PTPRB: variants seen among roughly 807,000 people sequenced by gnomAD.
The protein encoded by PTPRB is receptor-type tyrosine-protein phosphatase beta.
A neutral mutation model predicts 238.1 loss-of-function variants in PTPRB; 97 were observed. The ratio of observed to expected loss-of-function variants is 0.41; its 90% CI spans 0.35 to 0.48. The LOEUF (loss-of-function observed/expected upper bound fraction) is 0.48. Among genes scored for constraint, PTPRB ranks in the 20% least tolerant of loss-of-function variants. PTPRB has a pLI of 0.30. For missense variants in PTPRB, 2,292 were observed against 2,681.9 expected (o/e 0.85, Z 3.21); for synonymous variants, 970 against 995.4 (o/e 0.97, Z 0.48).
At chr12:70,594,872 A>T in intron 5 of PTPRB, 148 bp from the exon 6 acceptor site, 1 of 1,096,268 alleles carries the variant, frequency 9.1e-7, no homozygotes, top group Non-Finnish European at 1.3e-6. Flanking sequence ...GATTCTGGAA[A>T]TTTCACTGGA....
intron 4 of PTPRB, among the ~76,000 whole-genome samples, chr12:70,599,619 A>T (rs995657344): frequency 2.0e-5 from 3 of 152,238 alleles, no homozygotes; most frequent in Non-Finnish European, 4.4e-5. Flanking sequence ...TGCATAGTCA[A>T]AATGAATAAC....
chr12:70,558,001 C>A (rs781730709), intron 18 of PTPRB, among the ~76,000 whole-genome samples: 2 of 152,154 alleles, frequency 1.3e-5, no homozygotes, highest in African/African-American at 2.4e-5. Context: ...GCAAGTGCAT[C>A]TCTGGGCAAC....
At chr12:70,568,596 C>T (rs1879620116) in intron 14 of PTPRB, among the ~76,000 whole-genome samples, 1 of 152,116 alleles carries the variant, frequency 6.6e-6, no homozygotes, top group Non-Finnish European at 1.5e-5. Flanking sequence ...CGCGCCTGGC[C>T]CGAATGCCCA....
chr12:70,524,375 A>G, intron 33 of PTPRB, 96 bp downstream of exon 33: 3 of 1,340,832 alleles, frequency 2.2e-6, no homozygotes, highest in Non-Finnish European at 3.0e-6. Context: ...TCAGCCTCCC[A>G]AAGTGCTGGG....
At chr12:70,609,926 A>G in intron 3 of PTPRB, 2 of 992,726 alleles carry the variant, frequency 2.0e-6, no homozygotes, top group Non-Finnish European at 2.7e-6. Context: ...CCGTGGGCGC[A>G]GCGCGCTTCC....
rs1592517237 is a variant in PTPRB, at chr12:70,576,519, A to C, written c.2705T>G (p.Val902Gly). 1.3e-6 allele frequency: 2 copies of C among 1,568,898 alleles called. No homozygotes were observed. ...YEVTLSHDGK[V>G]VQSLVIAKSV... is the part of the protein sequence containing the mutation. ...CTTGGCAATGACAAGGGACTGAACCACCTTGCCGTCATGAGACAATGTTAC... is the reference window on the plus strand; with the variant it reads ...CTTGGCAATGACAAGGGACTGAACCCCCTTGCCGTCATGAGACAATGTTAC... Residue 902 changes from valine to glycine, a missense_variant, in exon 11 of 34, where the codon GTG (valine) becomes GGG (glycine). Physicochemically the swap from Val to Gly is moderately radical, Grantham distance 109. Coordinates refer to ENST00000334414, the MANE Select transcript of PTPRB (RefSeq NM_001109754.4).
intron 2 of PTPRB, among the ~76,000 whole-genome samples, chr12:70,627,094 A>T (rs1885238588): frequency 6.6e-6 from 1 of 152,206 alleles, no homozygotes; most frequent in Non-Finnish European, 1.5e-5. Flanking sequence ...TTCAATAGCC[A>T]ACTATTACTC....
chr12:70,599,888 T>C (rs1283127713), intron 4 of PTPRB, among the ~76,000 whole-genome samples: 1 of 151,896 alleles, frequency 6.6e-6, no homozygotes, highest in Non-Finnish European at 1.5e-5. Flanking sequence ...GAGGGTTGCT[T>C]GGGTCCAGGT....
At position 70,608,826 on chromosome 12, in the gene PTPRB, C is replaced by T; in HGVS notation, c.979+243G>A. The T allele has an allele frequency of 7.3e-6, 4 of 545,188 alleles. No homozygotes were observed. In the South Asian group the frequency reaches 1.1e-4, roughly 14 times the overall value. 33.8% of individuals were successfully genotyped at this position (545,188 alleles called of 1,614,324 possible). On this transcript the variant is annotated intron_variant, in intron 4 of 33. Coordinates refer to ENST00000334414, the MANE Select transcript of PTPRB (RefSeq NM_001109754.4). ...AAGTTTCTCTTTGCTGACCGCCCTGCACCCCACCCCGACCCTTTCAGTAGC... is the reference window on the plus strand; with the variant it reads ...AAGTTTCTCTTTGCTGACCGCCCTGTACCCCACCCCGACCCTTTCAGTAGC...
chr12:70,609,902 G>C (rs950438232), intron 3 of PTPRB: 2 of 1,253,740 alleles, frequency 1.6e-6, no homozygotes, highest in African/African-American at 1.6e-5. Flanking sequence ...CCTGTTGCGC[G>C]CGCTCAGCGC....
intron 10 of PTPRB, among the ~76,000 whole-genome samples, chr12:70,580,587 A>C (rs907842541): frequency 6.6e-6 from 1 of 152,202 alleles, no homozygotes; most frequent in African/African-American, 2.4e-5. Flanking sequence ...TGGGAGGCCG[A>C]GGCGGGTGGA....
At chr12:70,535,163 G>T (rs56170625) in intron 29 of PTPRB, among the ~76,000 whole-genome samples, 1 of 151,534 alleles carries the variant, frequency 6.6e-6, no homozygotes, top group African/African-American at 2.4e-5. Context: ...TGTACAAGGA[G>T]CACCCCTGAC....
chr12:70,598,869 G>A (rs561385867), intron 4 of PTPRB, among the ~76,000 whole-genome samples: 37 of 152,264 alleles, frequency 2.4e-4, no homozygotes, highest in African/African-American at 8.4e-4. Flanking sequence ...GTGTCTAGAG[G>A]GTGAAGTTCA....
At chr12:70,579,558 G>A (rs1285154346) in intron 10 of PTPRB, among the ~76,000 whole-genome samples, 2 of 151,942 alleles carry the variant, frequency 1.3e-5, no homozygotes, top group East Asian at 3.9e-4. Flanking sequence ...TTAGCTGGGC[G>A]TGGTGGTGCG....
chr12:70,570,603 C>T (rs993798997), intron 13 of PTPRB, among the ~76,000 whole-genome samples: 1 of 152,128 alleles, frequency 6.6e-6, no homozygotes, highest in African/African-American at 2.4e-5. Flanking sequence ...CCTGCCTTGG[C>T]TTCCAAAGCA....
intron 2 of PTPRB, among the ~76,000 whole-genome samples, chr12:70,626,617 T>A (rs1049190683): frequency 6.6e-6 from 1 of 152,074 alleles, no homozygotes; most frequent in Non-Finnish European, 1.5e-5. Context: ...TTATTAGTAA[T>A]CTAGAGATAA....
chr12:70,523,846 G>T (rs574839604), intron 33 of PTPRB, among the ~76,000 whole-genome samples: 4 of 151,192 alleles, frequency 2.6e-5, no homozygotes, highest in Non-Finnish European at 4.4e-5. Flanking sequence ...ACAGAGTCTC[G>T]CTCTTGTTGC....
intron 20 of PTPRB, among the ~76,000 whole-genome samples, chr12:70,553,943 TCTGG>T (rs1256282795): frequency 6.6e-6 from 1 of 152,212 alleles, no homozygotes; most frequent in Admixed American, 6.5e-5. Context: ...GGGAAGGCTG[TCTGG>T]CTGGGGAACA....
At chr12:70,580,313 C>T (rs1001481899) in intron 10 of PTPRB, among the ~76,000 whole-genome samples, 8 of 152,142 alleles carry the variant, frequency 5.3e-5, no homozygotes, top group African/African-American at 1.9e-4. Context: ...ATCAACTCCA[C>T]CTCTAACCAT....
Sources: allele counts gnomAD v4.1 joint callset (sites outside exome capture counted in the v4.1 genomes callset), GRCh38; gene constraint gnomAD v4.1.1; transcripts MANE v1.5; gene names NCBI Gene and HGNC (gene_info 2026-07-23, HGNC 2026-07-21).